Variants in MPRIP observed in about 807,000 individuals in gnomAD.
MPRIP encodes myosin phosphatase Rho interacting protein, also known as myosin phosphatase Rho-interacting protein.
Under a neutral mutation model 234.9 loss-of-function variants are expected in MPRIP, and 59 were observed. The observed-to-expected ratio is 0.25, with a 90% CI of 0.20 to 0.31. The LOEUF (loss-of-function observed/expected upper bound fraction) is 0.31. MPRIP is among the 10% of genes least tolerant of loss of function. The pLI, the probability that MPRIP is intolerant of heterozygous loss-of-function variation, is 1.00. For synonymous variants in MPRIP, 1,144 were observed against 1,263.9 expected (o/e 0.91, Z 2.01); for missense variants, 2,436 against 3,071.0 (o/e 0.79, Z 4.89).
chr17:17,158,465 C>G lies in MPRIP; in HGVS notation c.1863C>G (p.Cys621Trp). 2 of 1,588,756 alleles carry G rather than the reference C, an allele frequency of 1.3e-6. No individual in the cohort carries two copies. Among genetic ancestry groups the G allele is most frequent in the Non-Finnish European group, 1.7e-6 (2 of 1,169,004 alleles). Residue 621 changes from cysteine (C) to tryptophan (W), a missense_variant, in exon 14 of 24, where the codon TGC (cysteine) becomes TGG (tryptophan). Cys to Trp is a radical substitution (Grantham distance 215). Transcript: ENST00000651222. Reference protein sequence around the residue: ...SLPEEKNKSSCSFETCPRPTE... With the variant: ...SLPEEKNKSSWSFETCPRPTE... ...CAGAGGAAAAAAACAAGAGCAGCTG[C>G]TCTTTTGAGACCTGCCCGAGGCCTA... is the stretch of plus-strand genomic sequence containing the variant.
chr17:17,142,448 G>A (rs1278255256), intron 7 of MPRIP, 179 bp from the exon 8 acceptor site: 4 of 635,920 alleles, frequency 6.3e-6, no homozygotes, highest in South Asian at 5.8e-5. Context: ...TGGGAGGGAG[G>A]GCCGTGGAGG....
intron 12 of MPRIP, among the ~76,000 whole-genome samples, chr17:17,153,542 G>A (rs2045655666): frequency 6.6e-6 from 1 of 151,538 alleles, no homozygotes; most frequent in Admixed American, 6.6e-5. Context: ...CCTACCTGCT[G>A]CCCCGTTCCT....
intron 3 of MPRIP, among the ~76,000 whole-genome samples, chr17:17,080,790 A>G (rs2089444441): frequency 6.6e-6 from 1 of 152,246 alleles, no homozygotes; most frequent in Non-Finnish European, 1.5e-5. Flanking sequence ...ATTTGCTATT[A>G]GCTCTGCTCT....
chr17:17,134,715 G>A lies in MPRIP; in HGVS notation c.505-1504G>A, dbSNP rs2090660317. On this transcript the variant is annotated intron_variant, in intron 5 of 23. Coordinates refer to ENST00000651222, the MANE Select transcript of MPRIP (RefSeq NM_001364716.4). ...ACCACCCCATGGCCTTCCTGCTTCT[G>A]GAGCACGTGGTGGAAACACTCAGAC... Among the ~76,000 whole-genome samples the A allele has an allele frequency of 2.0e-5, 3 of 152,236 alleles. No homozygotes were observed. In the South Asian group the frequency reaches 6.2e-4, roughly 31 times the overall value.
intron 13 of MPRIP, among the ~76,000 whole-genome samples, chr17:17,155,219 G>T (rs2045700303): frequency 6.6e-6 from 1 of 152,056 alleles, no homozygotes; most frequent in East Asian, 1.9e-4. Context: ...TGTCACAGCG[G>T]GGGCTGTCCA....
intron 19 of MPRIP, among the ~76,000 whole-genome samples, chr17:17,174,704 G>A (rs1455153129): frequency 3.3e-5 from 5 of 151,896 alleles, no homozygotes; most frequent in East Asian, 1.9e-4. Flanking sequence ...GTGTGGTGGT[G>A]GGCGCCTATA....
chr17:17,105,662 C>T (rs1226150601), intron 3 of MPRIP, among the ~76,000 whole-genome samples: 1 of 152,138 alleles, frequency 6.6e-6, no homozygotes, highest in East Asian at 1.9e-4. Flanking sequence ...TCTGATTATC[C>T]GACGTCCTGT....
chr17:17,053,823 C>G (rs1255637811), intron 1 of MPRIP, among the ~76,000 whole-genome samples: 1 of 152,244 alleles, frequency 6.6e-6, no homozygotes, highest in African/African-American at 2.4e-5. Context: ...CTGCACCACC[C>G]TAGCAGCTTT....
In MPRIP at chr17:17,119,011, C is replaced by T. The variant is rs542208340; in HGVS notation, c.268-7691C>T. Among the ~76,000 whole-genome samples, 16 of 152,240 alleles carry T rather than the reference C, an allele frequency of 1.1e-4. No homozygotes were observed. In the South Asian group the frequency reaches 2.7e-3, roughly 26 times the overall value. On this transcript the variant is annotated intron_variant, in intron 3 of 23. Coordinates refer to ENST00000651222, the MANE Select transcript of MPRIP (RefSeq NM_001364716.4). ...GCAGTTTGGCTGCAGCAAGAAGAGC[C>T]GGGAGACCACCTTTGACCTGAGCCA...
Position 17,075,979 on chromosome 17 carries a change from G to A in MPRIP, c.201+192G>A, listed in dbSNP as rs2089319255. 7.1e-6 allele frequency: 4 copies of A among 559,646 alleles called. No homozygotes were observed. The South Asian group carries it at 1.0e-4, about 14-fold the overall frequency. 34.7% of individuals were successfully genotyped at this position (559,646 alleles called of 1,614,324 possible). ...TCTCAATTATACATAGTTGTGTGTAGTGCTCCCTTCAGAATGAGGAGCTCT... is the reference window on the plus strand; with the variant it reads ...TCTCAATTATACATAGTTGTGTGTAATGCTCCCTTCAGAATGAGGAGCTCT... On this transcript the variant is annotated intron_variant, in intron 2 of 23. Transcript: ENST00000651222.
At chr17:17,056,144 G>A (rs775770098) in intron 1 of MPRIP, among the ~76,000 whole-genome samples, 19 of 152,314 alleles carry the variant, frequency 1.2e-4, no homozygotes, top group Admixed American at 4.6e-4. Flanking sequence ...CTTGGCATGT[G>A]CGGGGAAGGG....
chr17:17,161,525 G>A (rs189761019), intron 15 of MPRIP, among the ~76,000 whole-genome samples, 169 bp downstream of exon 15: 8 of 152,188 alleles, frequency 5.3e-5, no homozygotes, highest in African/African-American at 1.9e-4. Flanking sequence ...AATGTGCTTG[G>A]GGGGGTCTGT....
At chr17:17,129,852 G>A (rs2090562455) in intron 4 of MPRIP, among the ~76,000 whole-genome samples, 1 of 152,256 alleles carries the variant, frequency 6.6e-6, no homozygotes, top group Non-Finnish European at 1.5e-5. Flanking sequence ...CCCTCAGAGT[G>A]GTCAGAAGAA....
chr17:17,088,029 C>G (rs972540000), intron 3 of MPRIP, among the ~76,000 whole-genome samples: 5 of 152,226 alleles, frequency 3.3e-5, no homozygotes, highest in Non-Finnish European at 7.3e-5. Flanking sequence ...TCTGCCTTCC[C>G]TGTGTTGCCT....
chr17:17,161,149 A>G lies in MPRIP; in HGVS notation c.2401-91A>G, dbSNP rs2045855336. The G allele has an allele frequency of 4.8e-6, 4 of 841,810 alleles. No individual in the cohort carries two copies. The South Asian group carries it at 5.9e-5, about 12-fold the overall frequency. The allele number at this position is 841,810 out of a possible 1,614,324, so 52.1% of individuals were successfully genotyped here. ...GTGGAGACTCCAAAACTCTTGGGCC[A>G]CATGGAAGACCAGTGAAAGAGTCTG... is the stretch of plus-strand genomic sequence containing the variant. On this transcript the variant is annotated intron_variant, in intron 14 of 23. Coordinates refer to ENST00000651222, the MANE Select transcript of MPRIP (RefSeq NM_001364716.4).
intron 1 of MPRIP, among the ~76,000 whole-genome samples, chr17:17,048,033 C>A (rs760205778): frequency 1.3e-5 from 2 of 152,198 alleles, no homozygotes; most frequent in South Asian, 4.2e-4. Context: ...CTTCTACATC[C>A]GCGTGTTGAT....
At chr17:17,126,302 C>A (rs2090489215) in intron 3 of MPRIP, among the ~76,000 whole-genome samples, 1 of 152,142 alleles carries the variant, frequency 6.6e-6, no homozygotes, top group Non-Finnish European at 1.5e-5. Flanking sequence ...CTCTGGCCCC[C>A]TCCTTGCCTC....
chr17:17,114,650 A>G (rs1315195002), intron 3 of MPRIP, among the ~76,000 whole-genome samples: 1 of 151,882 alleles, frequency 6.6e-6, no homozygotes, highest in Non-Finnish European at 1.5e-5. Flanking sequence ...GGTGAGGGGG[A>G]TGAAAAGCTG....
chr17:17,162,858 G>A (rs964084490), intron 15 of MPRIP, among the ~76,000 whole-genome samples: 2 of 152,180 alleles, frequency 1.3e-5, no homozygotes, highest in South Asian at 2.1e-4. Flanking sequence ...TTTAAAATCC[G>A]AAACAGTTCT....
Sources: gnomAD v4.1 joint callset for allele counts (sites outside exome capture counted in the v4.1 genomes callset) on GRCh38, gnomAD v4.1.1 for gene constraint, MANE v1.5 for transcripts, NCBI Gene and HGNC (gene_info 2026-07-23, HGNC 2026-07-21) for gene names.